Variants in GCNT1 observed in about 807,000 individuals in gnomAD.
The protein encoded by GCNT1 is beta-1,3-galactosyl-O-glycosyl-glycoprotein beta-1,6-N-acetylglucosaminyltransferase.
In GCNT1, 16 loss-of-function variants were observed where a neutral mutation model predicts 26.2. The observed-to-expected ratio is 0.61, with a 90% confidence interval of 0.41 to 0.93. The LOEUF (loss-of-function observed/expected upper bound fraction) is 0.93, where lower values mean the gene tolerates loss of function less well. Ranked by LOEUF, GCNT1 falls within the 40% of genes least tolerant of loss-of-function variation. The pLI, the probability that GCNT1 is intolerant of heterozygous loss-of-function variation, is 0.00. For synonymous variants in GCNT1, 183 were observed against 190.8 expected, an observed-to-expected ratio of 0.96 and a Z score of 0.34; for missense variants, 477 against 526.7, an observed-to-expected ratio of 0.91 and a Z score of 0.92.
At chr9:76,434,145 A>G (rs1823373039) in intron 1 of GCNT1, among the ~76,000 whole-genome samples, 1 of 152,200 alleles carries the variant, frequency 6.6e-6, no homozygotes, top group African/African-American at 2.4e-5. Flanking sequence ...ATGCATAGGA[A>G]AAAGCATAGC....
intron 2 of GCNT1, among the ~76,000 whole-genome samples, chr9:76,493,704 A>G (rs1824816417): frequency 6.6e-6 from 1 of 152,154 alleles, no homozygotes; most frequent in Non-Finnish European, 1.5e-5. Context: ...AGGCTAGGAT[A>G]TGGAGATAAG....
chr9:76,479,681 A>G (rs972568305), intron 2 of GCNT1, among the ~76,000 whole-genome samples: 7 of 152,156 alleles, frequency 4.6e-5, no homozygotes, highest in African/African-American at 9.7e-5. Flanking sequence ...GTCTGTTCAT[A>G]TCCTTCGCCC....
At chr9:76,435,090 T>C (rs1206847595) in intron 1 of GCNT1, among the ~76,000 whole-genome samples, 1 of 152,238 alleles carries the variant, frequency 6.6e-6, no homozygotes, top group African/African-American at 2.4e-5. Context: ...TCTTTGCTTT[T>C]GTCCTTGCCC....
intron 1 of GCNT1, among the ~76,000 whole-genome samples, chr9:76,423,053 A>C (rs1175561817): frequency 6.6e-6 from 1 of 152,228 alleles, no homozygotes; most frequent in Non-Finnish European, 1.5e-5. Context: ...TTTTGACTTA[A>C]GGTATTTTCA....
At chr9:76,413,668 G>GTTTTTTTTTTTTTTTTTTTTTTTTGTTT in the GCNT1 span, among the ~76,000 whole-genome samples, 1 of 84,212 alleles carries the variant, frequency 1.2e-5, no homozygotes, top group Non-Finnish European at 2.6e-5. Flanking sequence ...TTTTTTTTTT[G>GTTTTTTTTTTTTTTTTTTTTTTTTGTTT]TTTTTTTTTT....
chr9:76,472,749 CTTT>C (rs869071794), intron 2 of GCNT1, among the ~76,000 whole-genome samples: 93 of 31,414 alleles, frequency 3.0e-3, no homozygotes, highest in East Asian at 0.017. Flanking sequence ...CTTTTCTTTT[CTTT>C]TTTTTTTTTT....
chr9:76,483,705 A>G (rs1824486303), intron 2 of GCNT1, among the ~76,000 whole-genome samples: 1 of 151,916 alleles, frequency 6.6e-6, no homozygotes, highest in Admixed American at 6.6e-5. Flanking sequence ...TAACAGGCAC[A>G]AGCCACCACA....
chr9:76,485,285 G>T (rs1824543930), intron 2 of GCNT1, among the ~76,000 whole-genome samples: 1 of 152,020 alleles, frequency 6.6e-6, no homozygotes. Context: ...TGATTATCCT[G>T]CCTTAGCCTC....
chr9:76,436,877 A>G (rs1823417697), upstream of GCNT1, among the ~76,000 whole-genome samples: 1 of 152,140 alleles, frequency 6.6e-6, no homozygotes, highest in African/African-American at 2.4e-5. Context: ...CAAACACTGC[A>G]TGTTCTCACT....
At chr9:76,478,259 C>T (rs954624001) in intron 2 of GCNT1, among the ~76,000 whole-genome samples, 2 of 152,178 alleles carry the variant, frequency 1.3e-5, no homozygotes, top group Non-Finnish European at 2.9e-5. Context: ...TCCGCACTAC[C>T]TTTATGAGCT....
At chr9:76,447,270 C>A (rs1188705629) in intron 1 of GCNT1, among the ~76,000 whole-genome samples, 1 of 148,140 alleles carries the variant, frequency 6.8e-6, no homozygotes, top group Non-Finnish European at 1.5e-5. Flanking sequence ...GGAGACAGAT[C>A]TCACTCTCAC....
the GCNT1 span, among the ~76,000 whole-genome samples, chr9:76,404,386 A>G: frequency 1.3e-5 from 2 of 152,318 alleles, no homozygotes; most frequent in East Asian, 1.9e-4. Flanking sequence ...AAGATGAAAA[A>G]TAAAAGTGTG....
chr9:76,426,437 G>A (rs1823258577), intron 1 of GCNT1, among the ~76,000 whole-genome samples: 1 of 152,062 alleles, frequency 6.6e-6, no homozygotes, highest in African/African-American at 2.4e-5. Context: ...GCATGGTGAT[G>A]CATGCCTGTA....
intron 1 of GCNT1, among the ~76,000 whole-genome samples, chr9:76,450,935 C>T (rs11144907): frequency 6.6e-6 from 1 of 152,154 alleles, no homozygotes; most frequent in Non-Finnish European, 1.5e-5. Flanking sequence ...ATGCTGCCTG[C>T]TCTTAAAAGG....
intron 2 of GCNT1, among the ~76,000 whole-genome samples, chr9:76,489,240 A>C (rs1824663875): frequency 6.6e-6 from 1 of 152,194 alleles, no homozygotes. Context: ...CTTGATGGTG[A>C]CATAGTATTT....
chr9:76,403,164 C>T, the GCNT1 span, among the ~76,000 whole-genome samples: 6 of 152,114 alleles, frequency 3.9e-5, no homozygotes, highest in Admixed American at 3.9e-4. Context: ...AAGAGCTTAC[C>T]TACAATATCA....
At chr9:76,401,713 C>T in the GCNT1 span, among the ~76,000 whole-genome samples, 1 of 152,046 alleles carries the variant, frequency 6.6e-6, no homozygotes, top group Admixed American at 6.5e-5. Flanking sequence ...TGACTCAGAC[C>T]TCTAGCTTAT....
chr9:76,506,133 TATGATAC>T lies in GCNT1; in HGVS notation c.*2469_*2475del, dbSNP rs1342841601. The T allele has an allele frequency of 6.0e-6, 1 of 167,094 alleles. No individual in the cohort carries two copies. Among genetic ancestry groups the T allele is most frequent in the Admixed American group, 6.5e-5 (1 of 15,290 alleles). 10.4% of individuals were successfully genotyped at this position (167,094 alleles called of 1,614,324 possible). On this transcript the variant is annotated 3_prime_UTR_variant, in exon 4 of 4. Transcript: ENST00000376730. ...AAAACGATGGTTTGAAAAGGAAACC[TATGATAC>T]ATGCAGGAGAAGCAAAACCCAAGTG...
the GCNT1 span, among the ~76,000 whole-genome samples, chr9:76,395,827 A>G: frequency 6.6e-6 from 1 of 152,220 alleles, no homozygotes; most frequent in African/African-American, 2.4e-5. Context: ...GAGAGGCTTA[A>G]GAGTTATTTT....
Sources: gnomAD v4.1 joint callset for allele counts (sites outside exome capture counted in the v4.1 genomes callset) on GRCh38, gnomAD v4.1.1 for gene constraint, MANE v1.5 for transcripts, NCBI Gene and HGNC (gene_info 2026-07-23, HGNC 2026-07-21) for gene names.